The following PPP3CA variants were observed in gnomAD, a reference collection of about 807,000 sequenced individuals.
PPP3CA encodes CAM-PRP catalytic subunit.
PPP3CA carries 14 observed loss-of-function variants against 66.5 expected under a neutral mutation model. The ratio of observed to expected loss-of-function variants is 0.21; its 90% confidence interval spans 0.14 to 0.33. The LOEUF (loss-of-function observed/expected upper bound fraction) is 0.33, where lower values mean the gene tolerates loss of function less well. PPP3CA is among the 10% of genes least tolerant of loss of function. The probability of loss-of-function intolerance (pLI) is 1.00; values close to 1 mark genes in which losing one functional copy is unlikely to be tolerated. For missense variants in PPP3CA, 317 were observed against 639.5 expected, an observed-to-expected ratio of 0.50 and a Z score of 5.44; for synonymous variants, 232 against 226.2, an observed-to-expected ratio of 1.03 and a Z score of -0.23.
At chr4:101,061,625 C>T (rs919718682) in intron 9 of PPP3CA, among the ~76,000 whole-genome samples, 1 of 151,996 alleles carries the variant, frequency 6.6e-6, no homozygotes, top group East Asian at 1.9e-4. Context: ...TTAATACAAA[C>T]TGTTGATTGA....
intron 1 of PPP3CA, among the ~76,000 whole-genome samples, chr4:101,286,396 G>A (rs777530025): frequency 1.3e-5 from 2 of 152,086 alleles, no homozygotes; most frequent in Admixed American, 6.6e-5. Flanking sequence ...TGAGACACCC[G>A]ACTCCTTTAA....
chr4:101,107,632 CTT>C (rs1730811436), intron 3 of PPP3CA, among the ~76,000 whole-genome samples: 1 of 152,178 alleles, frequency 6.6e-6, no homozygotes, highest in African/African-American at 2.4e-5. Context: ...TCTACATAAA[CTT>C]TTCTGTGTCT....
intron 11 of PPP3CA, 123 bp downstream of exon 11, chr4:101,040,358 TA>T: frequency 1.4e-6 from 1 of 701,874 alleles, no homozygotes; most frequent in Non-Finnish European, 2.1e-6. Context: ...ATTTTTAATC[TA>T]AAAGGAAAAA....
intron 1 of PPP3CA, among the ~76,000 whole-genome samples, chr4:101,289,865 CGTGT>C (rs1313401918): frequency 1.7e-5 from 2 of 117,960 alleles, no homozygotes; most frequent in African/African-American, 7.5e-5. Context: ...CCAAAATGTC[CGTGT>C]ATGTGTGTGT....
intron 2 of PPP3CA, among the ~76,000 whole-genome samples, chr4:101,143,688 T>C (rs1722879648): frequency 1.3e-5 from 2 of 152,192 alleles, no homozygotes; most frequent in South Asian, 2.1e-4. Flanking sequence ...TTTTCATTAA[T>C]TGCAGGCATT....
chr4:101,211,361 G>C (rs1487092964), intron 1 of PPP3CA, among the ~76,000 whole-genome samples: 1 of 152,106 alleles, frequency 6.6e-6, no homozygotes, highest in Admixed American at 6.6e-5. Context: ...CAGAGTGATG[G>C]ACATAGAAAG....
chr4:101,250,252 A>C, intron 1 of PPP3CA: 1 of 432,024 alleles, frequency 2.3e-6, no homozygotes, highest in Non-Finnish European at 4.6e-6. Context: ...GTGTGGTGTT[A>C]TGAGAATGCC....
intron 1 of PPP3CA, among the ~76,000 whole-genome samples, chr4:101,261,097 T>C (rs1015231896): frequency 1.3e-5 from 2 of 152,156 alleles, no homozygotes; most frequent in Non-Finnish European, 2.9e-5. Flanking sequence ...AGTCTCTAGC[T>C]AAACACTTTA....
chr4:101,252,886 G>A (rs931260763), intron 1 of PPP3CA, among the ~76,000 whole-genome samples: 1 of 152,092 alleles, frequency 6.6e-6, no homozygotes, highest in African/African-American at 2.4e-5. Context: ...TTAATATTTG[G>A]GGTAAAGTGA....
At chr4:101,114,578 C>T (rs1223768212) in intron 2 of PPP3CA, among the ~76,000 whole-genome samples, 1 of 152,058 alleles carries the variant, frequency 6.6e-6, no homozygotes, top group Non-Finnish European at 1.5e-5. Context: ...TGGCCAATAT[C>T]CTGTGATGTT....
chr4:101,240,040 G>A (rs1726253373), intron 1 of PPP3CA, among the ~76,000 whole-genome samples: 1 of 96,556 alleles, frequency 1.0e-5, no homozygotes. Flanking sequence ...GTTTTTTTTT[G>A]GGGGGAGCGG....
At chr4:101,134,502 T>C (rs532221343) in intron 2 of PPP3CA, among the ~76,000 whole-genome samples, 10 of 152,328 alleles carry the variant, frequency 6.6e-5, no homozygotes, top group African/African-American at 2.4e-4. Context: ...CACTGGTCAT[T>C]AGAGAAATGT....
chr4:101,275,384 A>G (rs1223769088), intron 1 of PPP3CA, among the ~76,000 whole-genome samples: 4 of 152,184 alleles, frequency 2.6e-5, no homozygotes, highest in Non-Finnish European at 4.4e-5. Context: ...GTAATCGCCT[A>G]TAGAAAGTTA....
chr4:101,193,068 G>A lies in PPP3CA; in HGVS notation c.259+2848C>T, dbSNP rs192203079. On this transcript the variant is annotated intron_variant, in intron 2 of 13. Coordinates refer to ENST00000394854, the MANE Select transcript of PPP3CA (RefSeq NM_000944.5). ...CACTTGGATACTTCCTAATTTGCTT[G>A]AATACACCTAGGTTATATCCTTTAA... 3.3e-5 allele frequency among the ~76,000 whole-genome samples: 5 copies of A among 152,308 alleles called. No individual in the cohort carries two copies. In the East Asian group the frequency reaches 9.6e-4, roughly 29 times the overall value.
intron 1 of PPP3CA, among the ~76,000 whole-genome samples, chr4:101,223,642 A>G (rs1367169944): frequency 6.6e-6 from 1 of 151,782 alleles, no homozygotes; most frequent in Non-Finnish European, 1.5e-5. Context: ...CATTCATTCC[A>G]ACCTTCCCTT....
intron 2 of PPP3CA, among the ~76,000 whole-genome samples, chr4:101,184,585 T>C (rs1223632296): frequency 6.6e-6 from 1 of 152,078 alleles, no homozygotes; most frequent in African/African-American, 2.4e-5. Context: ...GCTGAAGTTA[T>C]GAAATACATT....
chr4:101,123,556 C>A (rs1002611428), intron 2 of PPP3CA, among the ~76,000 whole-genome samples: 15 of 152,132 alleles, frequency 9.9e-5, no homozygotes, highest in Non-Finnish European at 1.6e-4. Flanking sequence ...ACAGGCCAGG[C>A]ACAGTGGCTC....
At chr4:101,339,425 T>C (rs941981995) in intron 1 of PPP3CA, among the ~76,000 whole-genome samples, 2 of 152,134 alleles carry the variant, frequency 1.3e-5, no homozygotes, top group Non-Finnish European at 2.9e-5. Context: ...GCAAATAAAT[T>C]AAATTGAATA....
intron 8 of PPP3CA, among the ~76,000 whole-genome samples, chr4:101,066,868 C>T (rs565052013): frequency 6.6e-6 from 1 of 152,224 alleles, no homozygotes; most frequent in South Asian, 2.1e-4. Context: ...ACGTTTATCT[C>T]CAGTACAATA....
Sources: gnomAD v4.1 joint callset for allele counts (sites outside exome capture counted in the v4.1 genomes callset) on GRCh38, gnomAD v4.1.1 for gene constraint, MANE v1.5 for transcripts, NCBI Gene and HGNC (gene_info 2026-07-23, HGNC 2026-07-21) for gene names.